The following CBL variants were observed in gnomAD, a reference collection of about 807,000 sequenced individuals.
CBL encodes the protein E3 ubiquitin-protein ligase CBL.
A neutral mutation model predicts 96.9 loss-of-function variants in CBL; 45 were observed. The ratio of observed to expected loss-of-function variants is 0.46; its 90% CI spans 0.37 to 0.60. The LOEUF (loss-of-function observed/expected upper bound fraction) is 0.60. Ranked by LOEUF, CBL falls within the 20% of genes least tolerant of loss-of-function variation. CBL has a pLI of 0.00. For synonymous variants in CBL, 420 were observed against 426.8 expected (o/e 0.98, Z 0.20); for missense variants, 1,024 against 1,143.5 (o/e 0.90, Z 1.51).
chr11:119,208,785 C>G (rs553355263), intron 1 of CBL, among the ~76,000 whole-genome samples: 1 of 152,210 alleles, frequency 6.6e-6, no homozygotes, highest in African/African-American at 2.4e-5. Context: ...TACAAGGTAG[C>G]CCAAATAAAA....
chr11:119,206,953 G>A (rs867563095), intron 1 of CBL, among the ~76,000 whole-genome samples: 12 of 152,120 alleles, frequency 7.9e-5, no homozygotes, highest in African/African-American at 2.9e-4. Flanking sequence ...TCTGTGCAGG[G>A]TGTAGGGATG....
chr11:119,277,355 G>A (rs542384496), intron 6 of CBL, among the ~76,000 whole-genome samples: 2 of 151,842 alleles, frequency 1.3e-5, no homozygotes, highest in South Asian at 2.1e-4. Context: ...TTGTTCCCCC[G>A]GGGAGCCAAG....
chr11:119,294,748 G>A (rs1180613211), intron 12 of CBL, among the ~76,000 whole-genome samples: 2 of 151,030 alleles, frequency 1.3e-5, no homozygotes, highest in Non-Finnish European at 2.9e-5. Flanking sequence ...CCTAGATCAC[G>A]CCGCTGCACT....
intron 12 of CBL, among the ~76,000 whole-genome samples, chr11:119,288,908 T>C (rs1041553398): frequency 5.9e-5 from 9 of 152,250 alleles, no homozygotes; most frequent in African/African-American, 2.2e-4. Flanking sequence ...TTTACGGTAT[T>C]CCACCCATTT....
At chr11:119,267,588 C>T (rs1949813293) in intron 2 of CBL, among the ~76,000 whole-genome samples, 1 of 152,198 alleles carries the variant, frequency 6.6e-6, no homozygotes, top group Admixed American at 6.5e-5. Context: ...AAACAGCAAT[C>T]CTGCATGGCT....
rs1035506704 is a variant in CBL, at chr11:119,206,409, G to C, written c.-9G>C. ...GCGGACCCGCCTGGGCTCCGACCCT[G>C]CCCAGGCCATGGCCGGCAACGTGAA... On this transcript the variant is annotated 5_prime_UTR_variant, in exon 1 of 16. Coordinates refer to ENST00000264033, the MANE Select transcript of CBL (RefSeq NM_005188.4). 16 of 1,548,662 alleles carry C rather than the reference G, an allele frequency of 1.0e-5. No individual in the cohort carries two copies. The highest frequency in any genetic ancestry group is 1.4e-5 in the Non-Finnish European group (16 of 1,152,402).
chr11:119,224,359 G>A (rs1246080906), intron 1 of CBL, among the ~76,000 whole-genome samples: 3 of 151,924 alleles, frequency 2.0e-5, no homozygotes, highest in African/African-American at 7.3e-5. Context: ...ACCACCCCAC[G>A]TCCCATCCAC....
intron 5 of CBL, 54 bp downstream of exon 5, chr11:119,275,007 C>T: frequency 1.3e-6 from 2 of 1,594,002 alleles, no homozygotes; most frequent in Admixed American, 1.7e-5. Context: ...TATCTTGAGA[C>T]TTCTGCTAGT....
chr11:119,218,826 T>G (rs952142864), intron 1 of CBL, among the ~76,000 whole-genome samples: 1 of 152,332 alleles, frequency 6.6e-6, no homozygotes, highest in African/African-American at 2.4e-5. Context: ...AGAAAATGCC[T>G]TCTTTAAGTG....
intron 1 of CBL, among the ~76,000 whole-genome samples, chr11:119,211,919 ATTTTT>A (rs1042433645): frequency 6.6e-6 from 1 of 150,860 alleles, no homozygotes; most frequent in Non-Finnish European, 1.5e-5. Context: ...TTTTTATTTT[ATTTTT>A]TTTATTATTT....
At chr11:119,207,539 A>G (rs1220680254) in intron 1 of CBL, among the ~76,000 whole-genome samples, 1 of 152,240 alleles carries the variant, frequency 6.6e-6, no homozygotes, top group Non-Finnish European at 1.5e-5. Context: ...TGCGAACAAA[A>G]ATAACTCCTT....
intron 1 of CBL, among the ~76,000 whole-genome samples, chr11:119,212,119 A>G (rs1211619695): frequency 6.6e-6 from 1 of 151,170 alleles, no homozygotes; most frequent in African/African-American, 2.4e-5. Flanking sequence ...GGGTTTCTCC[A>G]TGTTGGGCAG....
At position 119,285,363 on chromosome 11, in the gene CBL, CCT is replaced by C; in HGVS notation, c.1739_1740del (p.Pro580ArgfsTer4). 3 of 1,614,180 alleles carry C rather than the reference CCT, an allele frequency of 1.9e-6. No individual in the cohort carries two copies. The highest frequency in any genetic ancestry group is 2.5e-6 in the Non-Finnish European group (3 of 1,180,030). ...CTGTCCCTCCAGAGACAAACTGCCCCCTGTCCCCTCTAGCCGCCTTGGAGACT... is the reference window on the plus strand; with the variant it reads ...CTGTCCCTCCAGAGACAAACTGCCCCGTCCCCTCTAGCCGCCTTGGAGACT... ...GDCPSRDKLPPVPSSRLGDSW... is the reference protein window; with the variant it reads ...GDCPSRDKLPXVPSSRLGDSW... On this transcript the variant is annotated frameshift_variant, in exon 11 of 16. Transcript: ENST00000264033. LOFTEE classifies it high-confidence loss of function.
In CBL at chr11:119,301,088, G is replaced by A. The variant is rs2135323332; in HGVS notation, c.*1307G>A. 4.3e-6 allele frequency: 1 copy of A among 233,318 alleles called. No homozygotes were observed. The highest frequency in any genetic ancestry group is 8.5e-6 in the Non-Finnish European group (1 of 118,050). The allele number at this position is 233,318 out of a possible 1,614,324, so 14.5% of individuals were successfully genotyped here. On this transcript the variant is annotated 3_prime_UTR_variant, in exon 16 of 16. Coordinates refer to ENST00000264033, the MANE Select transcript of CBL (RefSeq NM_005188.4). Reference sequence around the variant, plus strand: ...CACCTTCCCTGCATTGCTGCCTCCCGATGATGTGGTTCTTTTCTTGTGCCT... The same window carrying A: ...CACCTTCCCTGCATTGCTGCCTCCCAATGATGTGGTTCTTTTCTTGTGCCT...
intron 1 of CBL, among the ~76,000 whole-genome samples, chr11:119,218,702 G>T (rs1429312219): frequency 1.3e-5 from 2 of 152,162 alleles, no homozygotes; most frequent in Non-Finnish European, 2.9e-5. Flanking sequence ...TTGATTCTTA[G>T]ATCAACTGTT....
intron 12 of CBL, among the ~76,000 whole-genome samples, chr11:119,290,425 C>T (rs536830642): frequency 1.3e-4 from 19 of 150,668 alleles, no homozygotes; most frequent in Admixed American, 4.6e-4. Flanking sequence ...GAGGCCAAGG[C>T]GGGTGGATCA....
chr11:119,254,564 A>C (rs1294494937), intron 2 of CBL, among the ~76,000 whole-genome samples: 2 of 152,112 alleles, frequency 1.3e-5, no homozygotes, highest in African/African-American at 4.8e-5. Flanking sequence ...ATGTAAACAT[A>C]GAAAAGGTGC....
At chr11:119,249,441 G>C (rs538026184) in intron 2 of CBL, among the ~76,000 whole-genome samples, 24 of 151,720 alleles carry the variant, frequency 1.6e-4, no homozygotes, top group Non-Finnish European at 2.5e-4. Flanking sequence ...TGTAATCCCA[G>C]CTAGTTGGGA....
chr11:119,243,757 G>T (rs1949604999), intron 2 of CBL, among the ~76,000 whole-genome samples: 1 of 151,702 alleles, frequency 6.6e-6, no homozygotes, highest in Non-Finnish European at 1.5e-5. Context: ...TGGGAGGCAG[G>T]GTCTCTTGTC....
Sources: allele counts gnomAD v4.1 joint callset (sites outside exome capture counted in the v4.1 genomes callset), GRCh38; gene constraint gnomAD v4.1.1; transcripts MANE v1.5; gene names NCBI Gene and HGNC (gene_info 2026-07-23, HGNC 2026-07-21).